The following CNGB1 variants were observed in gnomAD, a reference collection of about 807,000 sequenced individuals.
CNGB1 encodes cyclic nucleotide gated channel subunit beta 1.
Under a neutral mutation model 151.7 loss-of-function variants are expected in CNGB1, and 126 were observed. The ratio of observed to expected loss-of-function variants is 0.83; its 90% CI spans 0.72 to 0.96. The LOEUF (loss-of-function observed/expected upper bound fraction) is 0.96, where lower values mean the gene tolerates loss of function less well. CNGB1 is among the 40% of genes least tolerant of loss of function. CNGB1 has a pLI of 0.00. For missense variants in CNGB1, 1,698 were observed against 1,627.0 expected, an observed-to-expected ratio of 1.04 and a Z score of -0.75; for synonymous variants, 623 against 635.1, an observed-to-expected ratio of 0.98 and a Z score of 0.29.
At chr16:57,953,293 G>A (rs1248830228) in intron 12 of CNGB1, among the ~76,000 whole-genome samples, 2 of 152,220 alleles carry the variant, frequency 1.3e-5, no homozygotes, top group East Asian at 1.9e-4. Flanking sequence ...TCAAGAGATC[G>A]AGACCATCCT....
intron 25 of CNGB1, among the ~76,000 whole-genome samples, chr16:57,909,671 G>T (rs961463018): frequency 6.6e-6 from 1 of 152,224 alleles, no homozygotes; most frequent in Non-Finnish European, 1.5e-5. Flanking sequence ...TTACAGGCAT[G>T]AGTCACTGTA....
intron 18 of CNGB1, 150 bp from the exon 19 acceptor site, chr16:57,920,694 A>G: frequency 1.1e-6 from 1 of 899,840 alleles, no homozygotes; most frequent in Admixed American, 2.2e-5. Context: ...ATCAGAAACC[A>G]CAGACCTACC....
chr16:57,909,850 G>C (rs1445748657), intron 25 of CNGB1, among the ~76,000 whole-genome samples: 12 of 152,268 alleles, frequency 7.9e-5, no homozygotes, highest in African/African-American at 2.6e-4. Flanking sequence ...TCAAATCCCA[G>C]CTCTGTAACT....
At chr16:57,904,569 C>A (rs1362448204) in intron 26 of CNGB1, among the ~76,000 whole-genome samples, 165 bp downstream of exon 26, 4 of 152,140 alleles carry the variant, frequency 2.6e-5, no homozygotes, top group Admixed American at 2.6e-4. Flanking sequence ...ACCACCACCC[C>A]CTTCACCGCG....
intron 8 of CNGB1, 100 bp from the exon 9 acceptor site, chr16:57,960,630 C>A: frequency 1.3e-6 from 2 of 1,493,638 alleles, no homozygotes; most frequent in Non-Finnish European, 1.8e-6. Context: ...GCGGGTGAGC[C>A]GGGGATGGGG....
intron 27 of CNGB1, 62 bp from the exon 28 acceptor site, chr16:57,901,687 C>A: frequency 2.2e-6 from 3 of 1,373,400 alleles, no homozygotes; most frequent in Middle Eastern, 4.8e-4. Context: ...ACATACATAC[C>A]GGCCAAGTGC....
rs546801500 is a variant in CNGB1, at chr16:57,961,683, G to T, written c.459-768C>A. ...ATGAATGAATGAGTGAATGAAGTGT[G>T]TGATTATATATACGTGTGTTCATTC... On this transcript the variant is annotated intron_variant, in intron 7 of 32. Transcript: ENST00000251102. Among the ~76,000 whole-genome samples, 7 of 151,872 alleles carry T rather than the reference G, an allele frequency of 4.6e-5. No homozygotes were observed. In the East Asian group the frequency reaches 1.4e-3, roughly 29 times the overall value.
intron 31 of CNGB1, among the ~76,000 whole-genome samples, chr16:57,892,061 G>A: frequency 1.2e-5 from 1 of 81,208 alleles, no homozygotes; most frequent in Admixed American, 1.4e-4. Context: ...CCAACAAAAA[G>A]CACAAAAATG....
chr16:57,901,161 G>A (rs542790398), intron 29 of CNGB1, among the ~76,000 whole-genome samples, 191 bp downstream of exon 29: 8 of 152,238 alleles, frequency 5.3e-5, no homozygotes, highest in South Asian at 2.1e-4. Flanking sequence ...GCATAGAGTC[G>A]GCAAAGCCTC....
intron 15 of CNGB1, among the ~76,000 whole-genome samples, chr16:57,939,892 T>C (rs949277856): frequency 2.0e-5 from 3 of 152,220 alleles, no homozygotes; most frequent in Non-Finnish European, 2.9e-5. Context: ...CTCTTCACAG[T>C]GTGCAAGCCC....
chr16:57,902,838 C>T (rs557759621), intron 27 of CNGB1, among the ~76,000 whole-genome samples: 9 of 152,154 alleles, frequency 5.9e-5, no homozygotes, highest in African/African-American at 1.9e-4. Flanking sequence ...GTCTTGAACT[C>T]CTGGGCTCAA....
chr16:57,925,168 A>AT lies in CNGB1; in HGVS notation c.1536-1789dup, dbSNP rs879880209. 2.3e-3 allele frequency among the ~76,000 whole-genome samples: 336 copies of AT among 143,560 alleles called. 1 individual carries two copies. The highest frequency in any genetic ancestry group is 4.4e-3 in the African/African-American group (173 of 39,310). 94.2% of individuals were successfully genotyped at this position (143,560 alleles called of 152,430 possible). ...TAGGTGTACACCACCACACCAGCTAATTTTTTTTTTTTTTAGTAGAGATGG... is the reference window on the plus strand; with the variant it reads ...TAGGTGTACACCACCACACCAGCTAATTTTTTTTTTTTTTTAGTAGAGATGG... On this transcript the variant is annotated intron_variant, in intron 17 of 32. Coordinates refer to ENST00000251102, the MANE Select transcript of CNGB1 (RefSeq NM_001297.5).
At chr16:57,905,012 A>G in intron 25 of CNGB1, 137 bp from the exon 26 acceptor site, 2 of 1,084,372 alleles carry the variant, frequency 1.8e-6, no homozygotes, top group Admixed American at 4.0e-5. Context: ...TATGCAAGGA[A>G]AACCACCTCC....
intron 31 of CNGB1, among the ~76,000 whole-genome samples, chr16:57,896,760 A>G (rs1960241189): frequency 6.6e-6 from 1 of 150,692 alleles, no homozygotes; most frequent in African/African-American, 2.4e-5. Flanking sequence ...AAATAAATAA[A>G]TAAAATAACT....
chr16:57,901,268 G>C, intron 29 of CNGB1, 84 bp downstream of exon 29: 1 of 1,330,738 alleles, frequency 7.5e-7, no homozygotes, highest in East Asian at 2.3e-5. Context: ...GCCCTGGGCT[G>C]GCAGGCACCC....
At chr16:57,923,855 A>G (rs1961115309) in intron 17 of CNGB1, among the ~76,000 whole-genome samples, 1 of 152,088 alleles carries the variant, frequency 6.6e-6, no homozygotes, top group African/African-American at 2.4e-5. Flanking sequence ...CTTTTCAGCT[A>G]TCAGAGAAGC....
intron 16 of CNGB1, among the ~76,000 whole-genome samples, chr16:57,935,102 C>T (rs1326669932): frequency 5.3e-5 from 8 of 151,882 alleles, no homozygotes; most frequent in African/African-American, 1.9e-4. Flanking sequence ...GAGGAAGTCT[C>T]GGGTCGGTGC....
Position 57,962,973 on chromosome 16 carries a change from C to T in CNGB1, c.381+1G>A, listed in dbSNP as rs1448908320. On this transcript the variant is annotated splice_donor_variant, in intron 5 of 32. Coordinates refer to ENST00000251102, the MANE Select transcript of CNGB1 (RefSeq NM_001297.5). LOFTEE classifies it high-confidence loss of function. The stretch of plus-strand genomic sequence containing the variant: ...CCTTCAGCCTCCAGCCCCAGCAGTA[C>T]CTGAGCCGGGTCCTCCGTGATGCTG... 3 of 1,613,338 alleles carry T rather than the reference C, an allele frequency of 1.9e-6. No homozygotes were observed. Among genetic ancestry groups the T allele is most frequent in the South Asian group, 2.2e-5 (2 of 91,086 alleles).
intron 29 of CNGB1, 23 bp from the exon 30 acceptor site, chr16:57,897,937 C>T (rs1960280384): frequency 1.9e-6 from 3 of 1,611,202 alleles, no homozygotes; most frequent in African/African-American, 1.3e-5. Context: ...AGTGACAAGT[C>T]CCTCTGTTCA....
Sources: allele counts gnomAD v4.1 joint callset (sites outside exome capture counted in the v4.1 genomes callset), GRCh38; gene constraint gnomAD v4.1.1; transcripts MANE v1.5; gene names NCBI Gene and HGNC (gene_info 2026-07-23, HGNC 2026-07-21).